BNC2: variants seen among roughly 807,000 people sequenced by gnomAD.
The protein encoded by BNC2 is zinc finger protein basonuclin-2.
Under a neutral mutation model 76.3 loss-of-function variants are expected in BNC2, and 20 were observed. The ratio of observed to expected loss-of-function variants is 0.26; its 90% CI spans 0.18 to 0.38. The LOEUF is 0.38. BNC2 is among the 10% of genes least tolerant of loss of function. The probability of loss-of-function intolerance (pLI) is 1.00; values close to 1 mark genes in which losing one functional copy is unlikely to be tolerated. For missense variants in BNC2, 1,382 were observed against 1,399.8 expected, an observed-to-expected ratio of 0.99 and a Z score of 0.20; for synonymous variants, 582 against 514.8, an observed-to-expected ratio of 1.13 and a Z score of -1.77.
intron 1 of BNC2, among the ~76,000 whole-genome samples, chr9:16,869,641 A>C (rs1439488845): frequency 3.9e-5 from 6 of 152,194 alleles, no homozygotes; most frequent in African/African-American, 1.4e-4. Context: ...GGAGGAAGCA[A>C]ACTAAAAAGA....
chr9:16,557,710 C>T (rs958380678), intron 4 of BNC2, among the ~76,000 whole-genome samples: 2 of 151,904 alleles, frequency 1.3e-5, no homozygotes, highest in African/African-American at 4.8e-5. Flanking sequence ...TTTGAAAAGC[C>T]CTTTTCTCTA....
intron 3 of BNC2, chr9:16,685,686 A>G (rs2134349675): frequency 3.4e-6 from 4 of 1,173,548 alleles, no homozygotes; most frequent in Middle Eastern, 4.5e-4. Context: ...AACTGCACAC[A>G]GTCACACTTG....
At position 16,560,117 on chromosome 9, in the gene BNC2, C is replaced by T. The variant is rs575445612; in HGVS notation, c.434-7352G>A. The stretch of plus-strand genomic sequence containing the variant: ...CCTGTTGAAACAGACTGCTGGGCCA[C>T]CTCCCCCAGAGTTTCTGATTCACTG... On this transcript the variant is annotated intron_variant, in intron 4 of 6. Transcript: ENST00000380672. Among the ~76,000 whole-genome samples, 554 of 152,284 alleles carry T rather than the reference C, an allele frequency of 3.6e-3. 3 individuals carry two copies. The highest frequency in any genetic ancestry group is 0.012 in the African/African-American group (518 of 41,566).
intron 1 of BNC2, among the ~76,000 whole-genome samples, chr9:16,858,997 A>T (rs1050953888): frequency 9.2e-5 from 14 of 152,180 alleles, no homozygotes; most frequent in Non-Finnish European, 1.3e-4. Flanking sequence ...AACTCTTAAA[A>T]CTCAACAACA....
chr9:16,597,218 T>C lies in BNC2; in HGVS notation c.331-14133A>G, dbSNP rs1261201723. 2.6e-5 allele frequency among the ~76,000 whole-genome samples: 4 copies of C among 152,158 alleles called. No individual in the cohort carries two copies. The East Asian group carries it at 5.8e-4, about 22-fold the overall frequency. ...CTGTGGCTACAGCCATGTACTATTGTATGTAACTGCTTATTTTTAAAAAGA... is the reference window on the plus strand; with the variant it reads ...CTGTGGCTACAGCCATGTACTATTGCATGTAACTGCTTATTTTTAAAAAGA... On this transcript the variant is annotated intron_variant, in intron 3 of 6. Transcript: ENST00000380672.
intron 3 of BNC2, among the ~76,000 whole-genome samples, chr9:16,706,912 C>G (rs1260200090): frequency 6.6e-6 from 1 of 152,158 alleles, no homozygotes; most frequent in Admixed American, 6.5e-5. Context: ...ATATAAAATA[C>G]AGCAAGAAGG....
At chr9:16,788,419 G>A (rs1306985555) in intron 1 of BNC2, among the ~76,000 whole-genome samples, 2 of 151,970 alleles carry the variant, frequency 1.3e-5, no homozygotes, top group Non-Finnish European at 2.9e-5. Context: ...CGGGCGTGGT[G>A]GTAGGCTCCT....
At chr9:16,670,948 G>A (rs1822459220) in intron 3 of BNC2, among the ~76,000 whole-genome samples, 1 of 152,114 alleles carries the variant, frequency 6.6e-6, no homozygotes, top group East Asian at 1.9e-4. Flanking sequence ...CTTCCCCTGA[G>A]CTTGCCCCAC....
At chr9:16,590,147 C>A (rs1163659002) in intron 3 of BNC2, among the ~76,000 whole-genome samples, 2 of 151,922 alleles carry the variant, frequency 1.3e-5, no homozygotes, top group Non-Finnish European at 2.9e-5. Context: ...AAATGCATCA[C>A]AATAATTAAT....
chr9:16,457,843 T>C (rs1049028065), intron 5 of BNC2, among the ~76,000 whole-genome samples: 2 of 152,316 alleles, frequency 1.3e-5, no homozygotes, highest in East Asian at 1.9e-4. Flanking sequence ...AAGAGGGCAG[T>C]CTCAGGCCTG....
At chr9:16,515,016 G>C (rs1489113681) in intron 5 of BNC2, among the ~76,000 whole-genome samples, 1 of 152,216 alleles carries the variant, frequency 6.6e-6, no homozygotes, top group Admixed American at 6.5e-5. Flanking sequence ...GACCCAGAAG[G>C]GAACAGACGG....
At chr9:16,784,130 T>G (rs2135575029) in intron 1 of BNC2, among the ~76,000 whole-genome samples, 1 of 152,310 alleles carries the variant, frequency 6.6e-6, no homozygotes, top group Middle Eastern at 3.4e-3. Context: ...GACTATCTTC[T>G]TAGTCAAAAA....
rs1001010310 is a variant in BNC2, at chr9:16,420,203, G to A, written c.2640-554C>T. Among the ~76,000 whole-genome samples, 15 of 151,942 alleles carry A rather than the reference G, an allele frequency of 9.9e-5. 1 individual carries two copies. The highest frequency in any genetic ancestry group is 3.9e-4 in the Admixed American group (6 of 15,258). On this transcript the variant is annotated intron_variant, in intron 6 of 6. Transcript: ENST00000380672. ...ACTTCAAAAAATAATGAAATCTTCCGTCTCTACCCTCCACATTTCAAGTTT... is the reference window on the plus strand; with the variant it reads ...ACTTCAAAAAATAATGAAATCTTCCATCTCTACCCTCCACATTTCAAGTTT...
intron 5 of BNC2, among the ~76,000 whole-genome samples, chr9:16,437,924 C>T (rs1018044887): frequency 1.3e-5 from 2 of 152,024 alleles, no homozygotes; most frequent in Non-Finnish European, 2.9e-5. Flanking sequence ...TACCTTAGTC[C>T]TTATTAAATA....
At chr9:16,545,526 A>T (rs1478880564) in intron 5 of BNC2, among the ~76,000 whole-genome samples, 2 of 152,196 alleles carry the variant, frequency 1.3e-5, no homozygotes, top group Non-Finnish European at 2.9e-5. Context: ...GCCAGGATGC[A>T]AGCCCATGAA....
chr9:16,701,625 A>G (rs895428921), intron 3 of BNC2, among the ~76,000 whole-genome samples: 1 of 152,204 alleles, frequency 6.6e-6, no homozygotes, highest in Non-Finnish European at 1.5e-5. Context: ...GTTAGATGTT[A>G]AGCAAAATAG....
At chr9:16,782,362 G>A (rs573571315) in intron 1 of BNC2, among the ~76,000 whole-genome samples, 40 of 151,798 alleles carry the variant, frequency 2.6e-4, no homozygotes, top group African/African-American at 7.3e-4. Flanking sequence ...TATTTCTATC[G>A]GGGTAAGAAA....
intron 3 of BNC2, among the ~76,000 whole-genome samples, chr9:16,641,412 C>T (rs1008298818): frequency 6.6e-6 from 1 of 152,150 alleles, no homozygotes; most frequent in African/African-American, 2.4e-5. Context: ...AAAATCTACA[C>T]CAAATAAATT....
At chr9:16,614,655 T>TAA (rs60917775) in intron 3 of BNC2, among the ~76,000 whole-genome samples, 13 of 151,092 alleles carry the variant, frequency 8.6e-5, no homozygotes, top group South Asian at 4.2e-4. Context: ...TGCATGAAGT[T>TAA]AAAAAAAATG....
Sources: gnomAD v4.1 joint callset for allele counts (sites outside exome capture counted in the v4.1 genomes callset) on GRCh38, gnomAD v4.1.1 for gene constraint, MANE v1.5 for transcripts, NCBI Gene and HGNC (gene_info 2026-07-23, HGNC 2026-07-21) for gene names.